The following NINJ2 variants were observed in gnomAD, a reference collection of about 807,000 sequenced individuals.
NINJ2 encodes the protein ninjurin 2.
Under a neutral mutation model 11.7 loss-of-function variants are expected in NINJ2, and 12 were observed. The ratio of observed to expected loss-of-function variants is 1.02; its 90% CI spans 0.66 to 1.66. The LOEUF is 1.66. Among genes scored for constraint, NINJ2 ranks in the 40% most tolerant of loss-of-function variants. The pLI is 0.00. For synonymous variants in NINJ2, 93 were observed against 76.8 expected (o/e 1.21, Z -1.10); for missense variants, 187 against 181.8 (o/e 1.03, Z -0.16).
At chr12:565,188 G>A in intron 3 of NINJ2, 29 bp downstream of exon 3, 1 of 1,567,278 alleles carries the variant, frequency 6.4e-7, no homozygotes, top group Non-Finnish European at 8.7e-7. Context: ...GGGAGTCCCT[G>A]GAGCTGGGGT....
At chr12:654,378 G>A (rs920063004) in intron 1 of NINJ2, among the ~76,000 whole-genome samples, 8 of 151,538 alleles carry the variant, frequency 5.3e-5, no homozygotes, top group East Asian at 2.0e-4. Context: ...AAAATTAGCC[G>A]GGCATGGTGG....
intron 1 of NINJ2, among the ~76,000 whole-genome samples, chr12:594,738 A>G (rs1481655655): frequency 1.3e-5 from 2 of 152,270 alleles, no homozygotes; most frequent in Non-Finnish European, 1.5e-5. Context: ...AATATTTGTC[A>G]AGACATCGGT....
At chr12:639,239 C>T (rs1407071914) in intron 1 of NINJ2, among the ~76,000 whole-genome samples, 1 of 152,102 alleles carries the variant, frequency 6.6e-6, no homozygotes, top group Non-Finnish European at 1.5e-5. Context: ...ATGTCTAAGT[C>T]AGTTGCCATA....
intron 1 of NINJ2, among the ~76,000 whole-genome samples, chr12:610,175 C>T (rs933356253): frequency 2.0e-5 from 3 of 152,178 alleles, no homozygotes; most frequent in African/African-American, 7.2e-5. Flanking sequence ...CCTTCCCCAT[C>T]CTGACAAGTG....
chr12:617,258 C>T (rs1948103918), intron 1 of NINJ2, among the ~76,000 whole-genome samples: 2 of 152,076 alleles, frequency 1.3e-5, no homozygotes, highest in African/African-American at 2.4e-5. Flanking sequence ...CTAATCTAAG[C>T]GAAGTTGTTG....
At chr12:598,802 C>T (rs1252787073) in intron 1 of NINJ2, among the ~76,000 whole-genome samples, 1 of 151,960 alleles carries the variant, frequency 6.6e-6, no homozygotes, top group African/African-American at 2.4e-5. Context: ...TGGGCTCTAG[C>T]GATCCTCCCA....
At chr12:621,472 GA>G (rs11310736) in intron 1 of NINJ2, among the ~76,000 whole-genome samples, 116,336 of 147,406 alleles carry the variant, frequency 0.79, 45,832 homozygotes, top group East Asian at 1. Flanking sequence ...GAAAGAAAAA[GA>G]AAAAAAAAGA....
Position 566,172 on chromosome 12 carries a change from T to C in NINJ2, c.40A>G (p.Ser14Gly), listed in dbSNP as rs1428116737. ...ARENIDLQPG[S>G]SDPRSQPINL... The stretch of plus-strand genomic sequence containing the variant: ...ATGGGCTGGCTCCTGGGGTCGGAGC[T>C]TCCAGGCTGTAGGGGAGAAAGCACA... The change falls in exon 2 of 4, where the codon AGC (serine) becomes GGC (glycine). Residue 14 changes from serine (S) to glycine (G), a missense_variant. Transcript: ENST00000305108. 6.2e-7 allele frequency: 1 copy of C among 1,613,080 alleles called. No homozygotes were observed.
chr12:619,176 A>G (rs1431646274), intron 1 of NINJ2, among the ~76,000 whole-genome samples: 2 of 152,140 alleles, frequency 1.3e-5, no homozygotes, highest in Non-Finnish European at 2.9e-5. Context: ...GAGTCCAGCA[A>G]GTATTTATCA....
intron 1 of NINJ2, chr12:610,514 C>G: frequency 6.6e-7 from 1 of 1,509,828 alleles, no homozygotes; most frequent in Non-Finnish European, 8.8e-7. Context: ...GTCCCCACAG[C>G]GGCCAGCCCA....
intron 1 of NINJ2, chr12:630,976 C>G (rs1451724786): frequency 3.9e-5 from 6 of 152,288 alleles, no homozygotes; most frequent in African/African-American, 7.2e-5. Flanking sequence ...TTCAAAATGC[C>G]TTAGAGGAGG....
At chr12:590,623 G>A (rs1947705037) in intron 1 of NINJ2, 1 of 152,364 alleles carries the variant, frequency 6.6e-6, no homozygotes, top group Non-Finnish European at 1.5e-5. Flanking sequence ...CACTGCCCAG[G>A]GCGCCTGGAA....
At chr12:589,739 G>A (rs1452699460) in intron 1 of NINJ2, 1 of 152,110 alleles carries the variant, frequency 6.6e-6, no homozygotes. Context: ...TGCCTCCTGA[G>A]TCCTAGGCAC....
At chr12:661,442 A>C (rs1937957437) in intron 1 of NINJ2, among the ~76,000 whole-genome samples, 1 of 152,242 alleles carries the variant, frequency 6.6e-6, no homozygotes, top group African/African-American at 2.4e-5. Context: ...AAAATGTAAG[A>C]TACAAGAATT....
At chr12:588,358 T>C (rs1411056615) in intron 1 of NINJ2, among the ~76,000 whole-genome samples, 1 of 152,122 alleles carries the variant, frequency 6.6e-6, no homozygotes, top group Non-Finnish European at 1.5e-5. Flanking sequence ...TGACATCAAA[T>C]CCGGAAGCCA....
At chr12:582,608 CGCAG>C (rs767438022) in intron 1 of NINJ2, among the ~76,000 whole-genome samples, 956 of 24,354 alleles carry the variant, frequency 0.039, 71 homozygotes, top group African/African-American at 0.069. Flanking sequence ...AATGAATGGG[CGCAG>C]GCAGGCAGGC....
At chr12:604,952 G>A (rs962042693) in intron 1 of NINJ2, among the ~76,000 whole-genome samples, 1 of 152,180 alleles carries the variant, frequency 6.6e-6, no homozygotes, top group Non-Finnish European at 1.5e-5. Context: ...ACTGTTAGTG[G>A]CCCCAGTAAG....
Position 565,423 on chromosome 12 carries a change from G to T in NINJ2, c.263-22C>A, listed in dbSNP as rs764199584. 3.1e-6 allele frequency: 5 copies of T among 1,611,030 alleles called. No individual in the cohort carries two copies. In the African/African-American group the frequency reaches 5.3e-5, roughly 17 times the overall value. On this transcript the variant is annotated intron_variant, in intron 2 of 3. Transcript: ENST00000305108. ...CGTGCTGCAGGGAAGTGGAGTGGGG[G>T]GAAAGGGTCAGAGACGGGGCCACAG...
intron 1 of NINJ2, among the ~76,000 whole-genome samples, chr12:576,660 C>T (rs936539921): frequency 6.6e-6 from 1 of 152,218 alleles, no homozygotes; most frequent in African/African-American, 2.4e-5. Flanking sequence ...CCCCGGCCTC[C>T]GTGCTCTTTC....
Sources: allele counts gnomAD v4.1 joint callset (sites outside exome capture counted in the v4.1 genomes callset), GRCh38; gene constraint gnomAD v4.1.1; transcripts MANE v1.5; gene names NCBI Gene and HGNC (gene_info 2026-07-23, HGNC 2026-07-21).